The following FLVCR2 variants were observed in gnomAD, a reference collection of about 807,000 sequenced individuals.
FLVCR2 encodes the protein FLVCR choline and putative heme transporter 2.
In FLVCR2, 38 loss-of-function variants were observed where a neutral mutation model predicts 48.9. The ratio of observed to expected loss-of-function variants is 0.78; its 90% confidence interval spans 0.60 to 1.02. FLVCR2 has a LOEUF of 1.02. Ranked by LOEUF, FLVCR2 falls within the 50% of genes least tolerant of loss-of-function variation. The pLI is 0.00. For missense variants in FLVCR2, 664 were observed against 663.3 expected, an observed-to-expected ratio of 1.00 and a Z score of -0.01; for synonymous variants, 255 against 257.0, an observed-to-expected ratio of 0.99 and a Z score of 0.07.
intron 9 of FLVCR2, among the ~76,000 whole-genome samples, chr14:75,646,015 G>C (rs1352925083): frequency 1.3e-5 from 2 of 152,074 alleles, no homozygotes; most frequent in Non-Finnish European, 2.9e-5. Context: ...TGGCACCTTG[G>C]ACAGTGATTT....
chr14:75,640,913 T>C, intron 6 of FLVCR2, 42 bp from the exon 7 acceptor site: 2 of 1,417,604 alleles, frequency 1.4e-6, no homozygotes, highest in South Asian at 2.3e-5. Flanking sequence ...CTTCTTGTTC[T>C]GGAAGTTCTT....
intron 1 of FLVCR2, among the ~76,000 whole-genome samples, chr14:75,585,003 T>C (rs1808541772): frequency 6.6e-6 from 1 of 151,256 alleles, no homozygotes. Context: ...AACCAGACAG[T>C]GTGTGAGGAG....
intron 1 of FLVCR2, among the ~76,000 whole-genome samples, chr14:75,597,797 C>T (rs761798933): frequency 8.6e-5 from 13 of 151,994 alleles, no homozygotes; most frequent in Non-Finnish European, 1.3e-4. Context: ...CTTGAACTCG[C>T]GACCTCAGGT....
At chr14:75,645,036 GTGTGT>G (rs1566799301) in intron 9 of FLVCR2, among the ~76,000 whole-genome samples, 8,978 of 146,698 alleles carry the variant, frequency 0.061, 345 homozygotes, top group Middle Eastern at 0.073. Flanking sequence ...CGGGCGTGGT[GTGTGT>G]GTGTGTGTGT....
chr14:75,615,862 C>CA (rs10629811), intron 1 of FLVCR2, among the ~76,000 whole-genome samples: 13,453 of 131,214 alleles, frequency 0.1, 1,075 homozygotes, highest in African/African-American at 0.23. Context: ...ACTAAAAATA[C>CA]AAAAAAAAAA....
chr14:75,579,406 T>C lies in FLVCR2; in HGVS notation c.434T>C (p.Leu145Pro), dbSNP rs749615767. Reference sequence around the variant, plus strand: ...CTGCTCCTGCCAGTGGCTTGGCTGCTGGAGAAGTTCGGCCTGCGCACCATT... The same window carrying C: ...CTGCTCCTGCCAGTGGCTTGGCTGCCGGAGAAGTTCGGCCTGCGCACCATT... ...IPLLLPVAWL[L>P]EKFGLRTIAL... is the part of the protein sequence containing the mutation. The change falls in exon 1 of 10, where the codon CTG becomes CCG. Residue 145 changes from leucine (L) to proline (P), a missense_variant. Transcript: ENST00000238667. The C allele has an allele frequency of 1.9e-5, 30 of 1,614,022 alleles. No homozygotes were observed. Among genetic ancestry groups the C allele is most frequent in the Non-Finnish European group, 1.9e-5 (22 of 1,180,048 alleles).
At chr14:75,620,413 C>T (rs923806702) in intron 1 of FLVCR2, among the ~76,000 whole-genome samples, 3 of 152,192 alleles carry the variant, frequency 2.0e-5, no homozygotes, top group African/African-American at 7.2e-5. Flanking sequence ...GGGTGACCCT[C>T]AACAAGTCAC....
intron 1 of FLVCR2, among the ~76,000 whole-genome samples, chr14:75,579,903 C>G (rs1313453402): frequency 1.3e-5 from 2 of 152,228 alleles, no homozygotes; most frequent in Non-Finnish European, 2.9e-5. Context: ...CTGTGTCGTT[C>G]TCGAACCTGT....
At chr14:75,613,843 A>T (rs548422230) in intron 1 of FLVCR2, among the ~76,000 whole-genome samples, 16 of 152,226 alleles carry the variant, frequency 1.1e-4, no homozygotes, top group Middle Eastern at 3.4e-3. Context: ...GAGCCACCAC[A>T]CCCAGCCTCA....
At chr14:75,612,922 A>G (rs1889497384) in intron 1 of FLVCR2, among the ~76,000 whole-genome samples, 1 of 152,232 alleles carries the variant, frequency 6.6e-6, no homozygotes, top group Admixed American at 6.5e-5. Context: ...TAGATCAGTT[A>G]TTCACTAGCA....
intron 1 of FLVCR2, among the ~76,000 whole-genome samples, chr14:75,585,086 G>A (rs879793680): frequency 5.3e-5 from 8 of 152,142 alleles, no homozygotes; most frequent in African/African-American, 1.2e-4. Flanking sequence ...TCAGCCTGGC[G>A]AGGAGCAGCC....
At chr14:75,628,002 T>G (rs1889949919) in intron 3 of FLVCR2, among the ~76,000 whole-genome samples, 1 of 152,246 alleles carries the variant, frequency 6.6e-6, no homozygotes, top group Non-Finnish European at 1.5e-5. Flanking sequence ...AAACTGAGGC[T>G]CTAGAGTTTT....
intron 2 of FLVCR2, among the ~76,000 whole-genome samples, chr14:75,624,255 C>T (rs1032630652): frequency 2.0e-5 from 3 of 151,314 alleles, no homozygotes; most frequent in Non-Finnish European, 4.4e-5. Flanking sequence ...CCCAGCTACT[C>T]AGGAGGCCGA....
At chr14:75,598,936 A>G (rs1889092241) in intron 1 of FLVCR2, among the ~76,000 whole-genome samples, 1 of 152,206 alleles carries the variant, frequency 6.6e-6, no homozygotes, top group Admixed American at 6.5e-5. Context: ...TGCTCTGACC[A>G]CTGAGGCTCC....
chr14:75,636,480 G>A (rs2140050369), intron 5 of FLVCR2, among the ~76,000 whole-genome samples: 1 of 152,326 alleles, frequency 6.6e-6, no homozygotes, highest in Admixed American at 6.5e-5. Flanking sequence ...GGCTTGCTCT[G>A]CGGCAGGAGG....
Position 75,646,950 on chromosome 14 carries a change from G to A in FLVCR2, c.*478G>A. 1 of 218,950 alleles carries A rather than the reference G, an allele frequency of 4.6e-6. No homozygotes were observed. Among genetic ancestry groups the A allele is most frequent in the Non-Finnish European group, 9.3e-6 (1 of 107,328 alleles). The allele number at this position is 218,950 out of a possible 1,614,324, so 13.6% of individuals were successfully genotyped here. A position where few individuals can be genotyped will look rare whatever the true frequency, so the allele number is the denominator to read the frequency against. On this transcript the variant is annotated 3_prime_UTR_variant, in exon 10 of 10. Coordinates refer to ENST00000238667, the MANE Select transcript of FLVCR2 (RefSeq NM_017791.3). ...GGGTCATCTCCTGGGTCATCGGACTGATTGCTCAAGTTCTGCAGGAGAGGA... is the reference window on the plus strand; with the variant it reads ...GGGTCATCTCCTGGGTCATCGGACTAATTGCTCAAGTTCTGCAGGAGAGGA...
chr14:75,631,879 A>C (rs1891529207), intron 3 of FLVCR2: 1 of 455,522 alleles, frequency 2.2e-6, no homozygotes, highest in South Asian at 1.6e-5. Flanking sequence ...TGTTGCTGAG[A>C]GCCTCATGAT....
rs997924751 is a variant in FLVCR2, at chr14:75,624,946, T to C, written c.952+194T>C. Among the ~76,000 whole-genome samples the C allele has an allele frequency of 4.0e-5, 6 of 149,690 alleles. 1 individual carries two copies. Among genetic ancestry groups the C allele is most frequent in the African/African-American group, 1.5e-4 (6 of 39,072 alleles). On this transcript the variant is annotated intron_variant, in intron 3 of 9. Transcript: ENST00000238667. ...AAAGTCCACCTAGAAAATAATTTCTTCCCATGTCAGGTTATCTGACAAATG... is the reference window on the plus strand; with the variant it reads ...AAAGTCCACCTAGAAAATAATTTCTCCCCATGTCAGGTTATCTGACAAATG...
intron 1 of FLVCR2, chr14:75,605,487 G>A (rs1889267280): frequency 6.6e-7 from 1 of 1,522,136 alleles, no homozygotes; most frequent in Non-Finnish European, 8.8e-7. Flanking sequence ...CTTGATTACA[G>A]GCATCTTTCC....
Sources: allele counts gnomAD v4.1 joint callset (sites outside exome capture counted in the v4.1 genomes callset), GRCh38; gene constraint gnomAD v4.1.1; transcripts MANE v1.5; gene names NCBI Gene and HGNC (gene_info 2026-07-23, HGNC 2026-07-21).